The following PPFIBP2 variants were observed in gnomAD, a reference collection of about 807,000 sequenced individuals.
PPFIBP2 encodes the protein liprin-beta-2.
In PPFIBP2, 118 loss-of-function variants were observed where a neutral mutation model predicts 118.3. The observed-to-expected ratio is 1.00, with a 90% CI of 0.86 to 1.16. The LOEUF (loss-of-function observed/expected upper bound fraction) is 1.16. PPFIBP2 is among the 50% of genes most tolerant of loss of function. The pLI, the probability that PPFIBP2 is intolerant of heterozygous loss-of-function variation, is 0.00. For synonymous variants in PPFIBP2, 414 were observed against 397.4 expected (o/e 1.04, Z -0.50); for missense variants, 1,195 against 1,073.1 (o/e 1.11, Z -1.59).
At chr11:7,522,008 A>C (rs988562000) in intron 1 of PPFIBP2, among the ~76,000 whole-genome samples, 4 of 152,112 alleles carry the variant, frequency 2.6e-5, no homozygotes, top group Admixed American at 6.5e-5. Flanking sequence ...TTTTATTCTG[A>C]TGACATTAAA....
At chr11:7,618,893 T>G (rs1016329697) in intron 6 of PPFIBP2, among the ~76,000 whole-genome samples, 2 of 151,286 alleles carry the variant, frequency 1.3e-5, no homozygotes, top group African/African-American at 2.4e-5. Context: ...AAGTTTTTTT[T>G]TTTTTTTTTT....
rs185667224 is a variant in PPFIBP2 at position 7,616,444 on chromosome 11, C to T, written c.619-4491C>T. On this transcript the variant is annotated intron_variant, in intron 6 of 23. Coordinates refer to ENST00000299492, the MANE Select transcript of PPFIBP2 (RefSeq NM_003621.5). The surrounding 1 kb of genome is among the most constrained non-coding windows in gnomAD (Gnocchi z 5.2). ...GAAGGGAGGAGACAAAGTAGGGATC[C>T]GTGTCCTCAAGGAGTGAGTCTCGTC... Among the ~76,000 whole-genome samples, 10 of 152,262 alleles carry T rather than the reference C, an allele frequency of 6.6e-5. No individual in the cohort carries two copies. Among genetic ancestry groups the T allele is most frequent in the East Asian group, 3.9e-4 (2 of 5,182 alleles).
intron 17 of PPFIBP2, 90 bp from the exon 18 acceptor site, chr11:7,648,294 TTTC>T: frequency 2.9e-6 from 4 of 1,378,554 alleles, no homozygotes; most frequent in East Asian, 2.4e-5. Flanking sequence ...TGTTTTGTTT[TTTC>T]TTTTCTTTTC....
At chr11:7,587,574 G>A (rs1858431363) in intron 3 of PPFIBP2, among the ~76,000 whole-genome samples, 1 of 152,240 alleles carries the variant, frequency 6.6e-6, no homozygotes. Context: ...CCTTTAGGCA[G>A]CGTGCACCGG....
At chr11:7,658,357 T>C (rs1276421754), downstream of PPFIBP2, among the ~76,000 whole-genome samples, 20 of 115,402 alleles carry the variant, frequency 1.7e-4, no homozygotes, top group African/African-American at 6.6e-4. Flanking sequence ...CCATGTGATC[T>C]CATTGTTCAA....
chr11:7,599,281 T>A (rs1359499821), intron 5 of PPFIBP2, among the ~76,000 whole-genome samples: 1 of 152,096 alleles, frequency 6.6e-6, no homozygotes, highest in Non-Finnish European at 1.5e-5. Context: ...AAGAAGATGA[T>A]GGAATGGTGT....
downstream of PPFIBP2, among the ~76,000 whole-genome samples, chr11:7,660,983 C>A (rs551905236): frequency 5.8e-3 from 887 of 151,756 alleles, 14 homozygotes; most frequent in African/African-American, 0.02. Flanking sequence ...TCTGTGGGAT[C>A]GGTGGTGATA....
downstream of PPFIBP2, chr11:7,655,508 TG>T: frequency 7.8e-7 from 1 of 1,289,616 alleles, no homozygotes; most frequent in Non-Finnish European, 1.0e-6. Context: ...GGTAGGACTC[TG>T]ACCCTCTCCC....
At position 7,628,376 on chromosome 11, in the gene PPFIBP2, T is replaced by C. The variant is rs762431692; in HGVS notation, c.888+30T>C. 22 of 1,603,694 alleles carry C rather than the reference T, an allele frequency of 1.4e-5. No homozygotes were observed. In the African/African-American group the frequency reaches 2.3e-4, roughly 17 times the overall value. On this transcript the variant is annotated intron_variant, in intron 9 of 23. Coordinates refer to ENST00000299492, the MANE Select transcript of PPFIBP2 (RefSeq NM_003621.5). ...GATGGTCATTGGGTAGCCCTGTCTT[T>C]TCCATGCTTACATCCCTGGCTGTGT...
intron 2 of PPFIBP2, among the ~76,000 whole-genome samples, chr11:7,563,806 A>G (rs1854618303): frequency 6.6e-6 from 1 of 152,204 alleles, no homozygotes; most frequent in Non-Finnish European, 1.5e-5. Context: ...TTGATTTGAA[A>G]AATGTATCAC....
At chr11:7,540,276 A>G (rs560662443) in intron 1 of PPFIBP2, among the ~76,000 whole-genome samples, 3 of 152,278 alleles carry the variant, frequency 2.0e-5, no homozygotes, top group Admixed American at 2.0e-4. Context: ...CTGGAGGCAG[A>G]GAAACTGGTT....
chr11:7,604,887 G>C (rs2135422336), intron 5 of PPFIBP2, among the ~76,000 whole-genome samples: 1 of 152,316 alleles, frequency 6.6e-6, no homozygotes, highest in East Asian at 1.9e-4. Flanking sequence ...TGAGTTACCA[G>C]CTGGAGGGAG....
At chr11:7,561,649 C>T (rs992321949) in intron 2 of PPFIBP2, among the ~76,000 whole-genome samples, 2 of 152,152 alleles carry the variant, frequency 1.3e-5, no homozygotes, top group Admixed American at 1.3e-4. Flanking sequence ...CATATTTTAG[C>T]AGTGTATGGC....
intron 4 of PPFIBP2, among the ~76,000 whole-genome samples, chr11:7,594,746 G>A (rs1372071024): frequency 1.3e-5 from 2 of 151,114 alleles, no homozygotes; most frequent in Non-Finnish European, 1.5e-5. Context: ...GTGAAACCCT[G>A]TCTCTACTGA....
intron 11 of PPFIBP2, chr11:7,632,636 T>C (rs11041489): frequency 0.1 from 47,418 of 459,564 alleles, 3,955 homozygotes; most frequent in African/African-American, 0.3. Context: ...ATGAACATGA[T>C]CTAAGCTCTA....
chr11:7,654,745 G>C (rs1353761335), downstream of PPFIBP2, among the ~76,000 whole-genome samples: 1 of 152,240 alleles, frequency 6.6e-6, no homozygotes, highest in Non-Finnish European at 1.5e-5. Flanking sequence ...GCGGTACAGG[G>C]ATCTCTGCAT....
At chr11:7,615,327 C>G (rs1466893506) in intron 6 of PPFIBP2, among the ~76,000 whole-genome samples, 1 of 134,954 alleles carries the variant, frequency 7.4e-6, no homozygotes, top group Non-Finnish European at 1.5e-5. Flanking sequence ...CAGAGTGAGA[C>G]TCCGTCTCAA....
At chr11:7,539,396 C>T (rs1402539387) in intron 1 of PPFIBP2, 1 of 152,434 alleles carries the variant, frequency 6.6e-6, no homozygotes, top group African/African-American at 2.4e-5. Context: ...TGCGGCTTCT[C>T]CTCTCCACTG....
chr11:7,615,189 T>C (rs1399713723), intron 6 of PPFIBP2, among the ~76,000 whole-genome samples: 1 of 151,920 alleles, frequency 6.6e-6, no homozygotes, highest in Non-Finnish European at 1.5e-5. Context: ...ATACAAAAAT[T>C]AGCCAGGCAT....
Sources: allele counts gnomAD v4.1 joint callset (sites outside exome capture counted in the v4.1 genomes callset), GRCh38; gene constraint gnomAD v4.1.1; non-coding constraint Gnocchi (gnomAD v3.1); transcripts MANE v1.5; gene names NCBI Gene and HGNC (gene_info 2026-07-23, HGNC 2026-07-21).